Variants in RBFOX1 observed in about 807,000 individuals in gnomAD.
RBFOX1 encodes the protein RNA binding fox-1 homolog 1, also known as RNA binding protein fox-1 homolog 1.
A neutral mutation model predicts 57.7 loss-of-function variants in RBFOX1; 8 were observed. The observed-to-expected ratio is 0.14, with a 90% CI of 0.08 to 0.25. RBFOX1 has a LOEUF of 0.25. RBFOX1 is among the 10% of genes least tolerant of loss of function. The pLI is 1.00. For synonymous variants in RBFOX1, 326 were observed against 222.4 expected (o/e 1.47, Z -4.15); for missense variants, 611 against 548.5 (o/e 1.11, Z -1.14).
intron 3 of RBFOX1, among the ~76,000 whole-genome samples, chr16:6,731,113 G>T (rs1311156533): frequency 6.6e-6 from 1 of 152,092 alleles, no homozygotes; most frequent in East Asian, 1.9e-4. Flanking sequence ...TTCCTCCCTT[G>T]GAAAGCCTGA....
intron 2 of RBFOX1, among the ~76,000 whole-genome samples, chr16:6,592,732 A>G (rs1286465349): frequency 6.6e-6 from 1 of 152,124 alleles, no homozygotes; most frequent in Non-Finnish European, 1.5e-5. Context: ...CTGTGTGTAG[A>G]TGTGCACAGA....
chr16:5,336,961 C>G (rs2064913033), intron 1 of RBFOX1, among the ~76,000 whole-genome samples: 1 of 152,206 alleles, frequency 6.6e-6, no homozygotes, highest in African/African-American at 2.4e-5. Flanking sequence ...CCCTAAGTAC[C>G]TTTCTTGCTA....
chr16:6,859,240 A>C (rs983199360), intron 3 of RBFOX1, among the ~76,000 whole-genome samples: 2 of 140,044 alleles, frequency 1.4e-5, no homozygotes, highest in Non-Finnish European at 3.1e-5. Context: ...TCCAATAAGA[A>C]CATGATTCTG....
Position 5,505,470 on chromosome 16 carries a change from G to A in RBFOX1, c.258+38216G>A, listed in dbSNP as rs141043113. 2.5e-3 allele frequency among the ~76,000 whole-genome samples: 375 copies of A among 152,276 alleles called. 1 individual carries two copies. Among genetic ancestry groups the A allele is most frequent in the Admixed American group, 7.1e-3 (108 of 15,292 alleles). ...TGGGTTTAGTGTCTGAGCAACATTT[G>A]CAGCCTGAGATTCCAGGGGTGCCCT... On this transcript the variant is annotated intron_variant, in intron 2 of 2. Transcript: ENST00000585867.
intron 4 of RBFOX1, among the ~76,000 whole-genome samples, chr16:7,206,527 C>T (rs542922130): frequency 1.3e-5 from 2 of 151,832 alleles, no homozygotes; most frequent in African/African-American, 4.8e-5. Flanking sequence ...CACTTGCAAG[C>T]TCTCAAAAAT....
intron 2 of RBFOX1, among the ~76,000 whole-genome samples, chr16:5,559,428 A>T (rs184319184): frequency 6.6e-6 from 1 of 152,284 alleles, no homozygotes; most frequent in African/African-American, 2.4e-5. Flanking sequence ...ATACATGAGG[A>T]AATAGACTTA....
intron 4 of RBFOX1, among the ~76,000 whole-genome samples, chr16:7,092,657 C>G (rs1326110636): frequency 6.6e-6 from 1 of 152,162 alleles, no homozygotes; most frequent in African/African-American, 2.4e-5. Context: ...TTGACAGAGC[C>G]TTTACGGACT....
At chr16:5,530,065 C>T in intron 2 of RBFOX1, among the ~76,000 whole-genome samples, 1 of 152,292 alleles carries the variant, frequency 6.6e-6, no homozygotes, top group Non-Finnish European at 1.5e-5. Flanking sequence ...GCATCCAGAG[C>T]TGTGAGACAA....
chr16:5,384,341 T>A (rs1353071881), intron 1 of RBFOX1, among the ~76,000 whole-genome samples: 2 of 152,168 alleles, frequency 1.3e-5, no homozygotes. Flanking sequence ...GTGGGTATAA[T>A]GGGCATACAG....
intron 2 of RBFOX1, among the ~76,000 whole-genome samples, chr16:5,478,464 G>A (rs1221768721): frequency 6.6e-6 from 1 of 152,116 alleles, no homozygotes; most frequent in East Asian, 1.9e-4. Context: ...GACAGTGAAA[G>A]CCCCTTGCAA....
chr16:5,866,613 A>G (rs1443903215), intron 3 of RBFOX1, among the ~76,000 whole-genome samples: 3 of 152,250 alleles, frequency 2.0e-5, no homozygotes, highest in Admixed American at 6.5e-5. Flanking sequence ...GATATACAGT[A>G]GGCTTGTAGA....
At chr16:5,782,315 T>G (rs1265837901) in intron 3 of RBFOX1, among the ~76,000 whole-genome samples, 1 of 152,186 alleles carries the variant, frequency 6.6e-6, no homozygotes, top group East Asian at 1.9e-4. Flanking sequence ...AATGACATCT[T>G]GGTGCTTCAT....
At chr16:7,420,960 C>CAT (rs540217288) in intron 4 of RBFOX1, among the ~76,000 whole-genome samples, 4,502 of 145,458 alleles carry the variant, frequency 0.031, 165 homozygotes, top group African/African-American at 0.089. Context: ...CACACACACA[C>CAT]ATATATATAT....
chr16:7,054,935 T>G (rs964023236), intron 4 of RBFOX1, among the ~76,000 whole-genome samples: 1 of 152,208 alleles, frequency 6.6e-6, no homozygotes, highest in Non-Finnish European at 1.5e-5. Flanking sequence ...AAGCTGCGCT[T>G]TCTGTTTTGT....
chr16:7,448,872 C>A (rs1342917638), intron 4 of RBFOX1, among the ~76,000 whole-genome samples: 1 of 150,360 alleles, frequency 6.7e-6, no homozygotes, highest in East Asian at 2.0e-4. Flanking sequence ...CTAAATACAT[C>A]TGCAACAAAT....
At chr16:6,280,919 A>G (rs1048039957) in intron 1 of RBFOX1, among the ~76,000 whole-genome samples, 4 of 151,468 alleles carry the variant, frequency 2.6e-5, no homozygotes, top group African/African-American at 7.3e-5. Context: ...AACATCTCCA[A>G]AGCAGATCTG....
intron 4 of RBFOX1, among the ~76,000 whole-genome samples, chr16:7,201,794 G>C (rs559007888): frequency 6.6e-6 from 1 of 152,264 alleles, no homozygotes; most frequent in South Asian, 2.1e-4. Context: ...GCTTACCCAG[G>C]CTGGTAGAGA....
chr16:7,419,489 T>C (rs1450860672), intron 4 of RBFOX1, among the ~76,000 whole-genome samples: 6 of 152,232 alleles, frequency 3.9e-5, no homozygotes, highest in Non-Finnish European at 7.3e-5. Context: ...TTGTGCCTTG[T>C]CAGGCCCACC....
At chr16:7,171,307 A>T (rs1167861836) in intron 4 of RBFOX1, among the ~76,000 whole-genome samples, 6 of 152,176 alleles carry the variant, frequency 3.9e-5, no homozygotes, top group Non-Finnish European at 8.8e-5. Context: ...CTGCAGTGTC[A>T]TTGTACATCC....
Sources: allele counts gnomAD v4.1 joint callset (sites outside exome capture counted in the v4.1 genomes callset), GRCh38; gene constraint gnomAD v4.1.1; transcripts MANE v1.5; gene names NCBI Gene and HGNC (gene_info 2026-07-23, HGNC 2026-07-21).